The following GRID1 variants were observed in gnomAD, a reference collection of about 807,000 sequenced individuals.
GRID1 encodes glutamate receptor ionotropic, delta-1.
Under a neutral mutation model 98.0 loss-of-function variants are expected in GRID1, and 28 were observed. The ratio of observed to expected loss-of-function variants is 0.29; its 90% CI spans 0.21 to 0.39. The LOEUF is 0.39. Among genes scored for constraint, GRID1 ranks in the 10% least tolerant of loss-of-function variants. GRID1 has a pLI of 1.00. For missense variants in GRID1, 1,111 were observed against 1,340.5 expected (o/e 0.83, Z 2.67); for synonymous variants, 553 against 538.5 (o/e 1.03, Z -0.37).
chr10:86,251,049 C>T (rs1236545952), intron 2 of GRID1, among the ~76,000 whole-genome samples: 2 of 152,158 alleles, frequency 1.3e-5, no homozygotes, highest in African/African-American at 2.4e-5. Context: ...TTACCCCCAA[C>T]CCCGTGCTCT....
intron 2 of GRID1, among the ~76,000 whole-genome samples, chr10:86,237,617 A>C (rs1193992583): frequency 6.6e-6 from 1 of 151,632 alleles, no homozygotes; most frequent in Non-Finnish European, 1.5e-5. Flanking sequence ...GGAGAATGGC[A>C]TGAACCCAGG....
At chr10:85,889,077 A>T (rs886357204) in intron 5 of GRID1, among the ~76,000 whole-genome samples, 2 of 152,222 alleles carry the variant, frequency 1.3e-5, no homozygotes, top group Admixed American at 1.3e-4. Flanking sequence ...CTTGGATTTT[A>T]AAAGCACTGG....
At chr10:86,145,117 C>T (rs935990446) in intron 3 of GRID1, among the ~76,000 whole-genome samples, 1 of 152,352 alleles carries the variant, frequency 6.6e-6, no homozygotes, top group Admixed American at 6.5e-5. Flanking sequence ...AATTAATATC[C>T]TCAAAAGCAT....
At chr10:86,194,157 A>T (rs1845842362) in intron 3 of GRID1, among the ~76,000 whole-genome samples, 1 of 152,086 alleles carries the variant, frequency 6.6e-6, no homozygotes, top group Non-Finnish European at 1.5e-5. Flanking sequence ...TTGAAAACAG[A>T]ATCTCCTGCA....
chr10:85,928,625 G>A (rs2131831169), intron 4 of GRID1, among the ~76,000 whole-genome samples: 1 of 152,326 alleles, frequency 6.6e-6, no homozygotes, highest in East Asian at 1.9e-4. Context: ...CCTGGGGACA[G>A]CACAGCTCAC....
chr10:86,211,050 T>A (rs1263714177), intron 2 of GRID1, among the ~76,000 whole-genome samples: 2 of 152,220 alleles, frequency 1.3e-5, no homozygotes, highest in Admixed American at 1.3e-4. Flanking sequence ...CTTTATTTCT[T>A]TCTGTCTTTC....
At chr10:85,775,572 C>T (rs551894066) in intron 8 of GRID1, among the ~76,000 whole-genome samples, 1 of 152,274 alleles carries the variant, frequency 6.6e-6, no homozygotes, top group African/African-American at 2.4e-5. Flanking sequence ...TGTTGCAGAA[C>T]TAACTATTGG....
chr10:86,138,769 G>T, intron 4 of GRID1, 50 bp downstream of exon 4: 2 of 1,463,564 alleles, frequency 1.4e-6, no homozygotes, highest in Non-Finnish European at 1.9e-6. Context: ...ACCATCTTCT[G>T]CAGAGCCCTG....
chr10:86,051,822 T>A lies in GRID1; in HGVS notation c.726+86997A>T, dbSNP rs145064126. Among the ~76,000 whole-genome samples the A allele has an allele frequency of 6.1e-3, 927 of 152,354 alleles. 13 individuals are homozygous for A. The highest frequency in any genetic ancestry group is 0.021 in the African/African-American group (891 of 41,582). The stretch of plus-strand genomic sequence containing the variant: ...TAAAACTATGGAAAAACAGGCACGC[T>A]TATACATTGCTGGTGGGAATATAAA... On this transcript the variant is annotated intron_variant, in intron 4 of 15. Transcript: ENST00000327946.
chr10:85,655,128 C>G (rs559419153), intron 12 of GRID1, among the ~76,000 whole-genome samples: 2 of 152,236 alleles, frequency 1.3e-5, no homozygotes, highest in East Asian at 1.9e-4. Context: ...TCTTGGCTAC[C>G]CTGCTTTTGG....
intron 3 of GRID1, among the ~76,000 whole-genome samples, chr10:86,198,354 A>G (rs886940837): frequency 2.6e-5 from 4 of 152,038 alleles, no homozygotes; most frequent in Non-Finnish European, 5.9e-5. Flanking sequence ...TGTTTCCCCA[A>G]GCACCAAGAA....
intron 2 of GRID1, among the ~76,000 whole-genome samples, chr10:86,269,438 T>C (rs1207143756): frequency 6.6e-6 from 1 of 152,218 alleles, no homozygotes; most frequent in Non-Finnish European, 1.5e-5. Context: ...CCCAGCTCCC[T>C]TGCCCCTTCA....
intron 4 of GRID1, among the ~76,000 whole-genome samples, chr10:86,108,021 G>A (rs1418205106): frequency 6.6e-6 from 1 of 152,218 alleles, no homozygotes; most frequent in African/African-American, 2.4e-5. Context: ...CGTGCGACAA[G>A]GTAGAGGGTC....
intron 4 of GRID1, among the ~76,000 whole-genome samples, chr10:85,996,808 G>A (rs1245736932): frequency 2.3e-5 from 3 of 132,160 alleles, no homozygotes; most frequent in East Asian, 2.3e-4. Context: ...CAGCATGGGC[G>A]ACAAAAGCGA....
intron 14 of GRID1, among the ~76,000 whole-genome samples, chr10:85,618,083 T>C (rs1006396954): frequency 6.6e-6 from 1 of 152,202 alleles, no homozygotes; most frequent in African/African-American, 2.4e-5. Context: ...GGGAGCCCCC[T>C]CTGCTCTGAC....
intron 2 of GRID1, among the ~76,000 whole-genome samples, chr10:86,220,045 C>A (rs1846230910): frequency 1.3e-5 from 2 of 152,220 alleles, no homozygotes; most frequent in Admixed American, 6.5e-5. Flanking sequence ...CAAGTCATGG[C>A]ACCTGCACCA....
intron 2 of GRID1, among the ~76,000 whole-genome samples, chr10:86,361,789 G>A (rs189630524): frequency 5.9e-4 from 90 of 152,356 alleles, no homozygotes; most frequent in Middle Eastern, 3.4e-3. Context: ...ACAACAGTAG[G>A]ATTTTCACGC....
Position 86,365,112 on chromosome 10 carries a change from C to G in GRID1, c.80-1016G>C, listed in dbSNP as rs1273981714. Among the ~76,000 whole-genome samples, 1 of 152,052 alleles carries G rather than the reference C, an allele frequency of 6.6e-6. No individual in the cohort carries two copies. Among genetic ancestry groups the G allele is most frequent in the Non-Finnish European group, 1.5e-5 (1 of 67,994 alleles). Reference sequence around the variant, plus strand: ...GGAGGCCCGGATTCCTCACTACACCCGGAGCCGGCGCCGCAATGCTGACCG... The same window carrying G: ...GGAGGCCCGGATTCCTCACTACACCGGGAGCCGGCGCCGCAATGCTGACCG... On this transcript the variant is annotated intron_variant, in intron 1 of 15. Transcript: ENST00000327946. The surrounding 1 kb of genome is among the most constrained non-coding windows in gnomAD (Gnocchi z 4.8).
chr10:85,773,709 G>T (rs973897718), intron 8 of GRID1, among the ~76,000 whole-genome samples: 32 of 152,148 alleles, frequency 2.1e-4, no homozygotes, highest in African/African-American at 7.2e-4. Flanking sequence ...AATCATGAGT[G>T]AACTCTCATT....
Sources: gnomAD v4.1 joint callset for allele counts (sites outside exome capture counted in the v4.1 genomes callset) on GRCh38, gnomAD v4.1.1 for gene constraint, Gnocchi (gnomAD v3.1) non-coding constraint, MANE v1.5 for transcripts, NCBI Gene and HGNC (gene_info 2026-07-23, HGNC 2026-07-21) for gene names.